The following MATCAP2 variants were observed in gnomAD, a reference collection of about 807,000 sequenced individuals.
MATCAP2 encodes microtubule associated tyrosine carboxypeptidase 2.
chr7:36,344,831 C>T, the MATCAP2 span, among the ~76,000 whole-genome samples: 1 of 152,188 alleles, frequency 6.6e-6, no homozygotes, highest in South Asian at 2.1e-4. Context: ...CCCTAAAAAT[C>T]CAGCCCAGAT....
the MATCAP2 span, among the ~76,000 whole-genome samples, chr7:36,369,633 T>A: frequency 6.6e-6 from 1 of 152,240 alleles, no homozygotes; most frequent in Non-Finnish European, 1.5e-5. Context: ...ATACATATTA[T>A]CTTCCTCATT....
At chr7:36,365,670 C>G in the MATCAP2 span, among the ~76,000 whole-genome samples, 1 of 152,128 alleles carries the variant, frequency 6.6e-6, no homozygotes, top group Admixed American at 6.5e-5. Flanking sequence ...CTGCACTCCA[C>G]CCTGGGCGAC....
At chr7:36,378,171 A>T in the MATCAP2 span, among the ~76,000 whole-genome samples, 1 of 152,192 alleles carries the variant, frequency 6.6e-6, no homozygotes, top group African/African-American at 2.4e-5. Context: ...GATCCTTTAG[A>T]GAAGAGGTGC....
the MATCAP2 span, among the ~76,000 whole-genome samples, chr7:36,382,676 G>A: frequency 6.6e-6 from 1 of 152,066 alleles, no homozygotes; most frequent in African/African-American, 2.4e-5. Context: ...TGTACTTTTA[G>A]TAGAGACAGG....
chr7:36,351,227 C>CT, the MATCAP2 span, among the ~76,000 whole-genome samples: 44,561 of 151,680 alleles, frequency 0.29, 7,230 homozygotes, highest in South Asian at 0.5. Flanking sequence ...GAAACCCTGT[C>CT]TTTACTAAAA....
At chr7:36,341,051 C>T in the MATCAP2 span, among the ~76,000 whole-genome samples, 5 of 152,066 alleles carry the variant, frequency 3.3e-5, no homozygotes, top group Non-Finnish European at 7.4e-5. Flanking sequence ...TTTTAAAATT[C>T]CTCACAATAT....
chr7:36,334,417 C>A, the MATCAP2 span, among the ~76,000 whole-genome samples: 62,187 of 150,992 alleles, frequency 0.41, 13,201 homozygotes, highest in African/African-American at 0.49. Context: ...CACCTGGGGT[C>A]CCAGCTACTC....
the MATCAP2 span, chr7:36,336,072 AAAAAT>A: frequency 9.8e-6 from 11 of 1,124,162 alleles, no homozygotes; most frequent in South Asian, 7.7e-5. Flanking sequence ...CTCCATTTCA[AAAAAT>A]AAAATAAATA....
chr7:36,367,417 T>C, the MATCAP2 span: 3 of 687,594 alleles, frequency 4.4e-6, no homozygotes, highest in Non-Finnish European at 4.8e-6. Flanking sequence ...CGCTGGGGTC[T>C]CCAGCCAGTG....
chr7:36,336,430 A>G, the MATCAP2 span: 1 of 739,600 alleles, frequency 1.4e-6, no homozygotes. Flanking sequence ...TGAAGTGCCA[A>G]ACTTTTCTAA....
At chr7:36,335,187 C>A in the MATCAP2 span, 1 of 1,612,732 alleles carries the variant, frequency 6.2e-7, no homozygotes, top group Admixed American at 1.7e-5. Context: ...ATCTAAGGGG[C>A]AAGAGAAAAA....
the MATCAP2 span, among the ~76,000 whole-genome samples, chr7:36,364,596 A>G: frequency 6.6e-6 from 1 of 152,216 alleles, no homozygotes; most frequent in African/African-American, 2.4e-5. Context: ...TAGAGCTGAA[A>G]AAAAAATGAA....
the MATCAP2 span, among the ~76,000 whole-genome samples, chr7:36,367,525 A>G: frequency 1.3e-5 from 2 of 152,162 alleles, no homozygotes; most frequent in Admixed American, 1.3e-4. Flanking sequence ...AGCTGCAAAT[A>G]GCAAAGCCAG....
chr7:36,350,036 A>C, the MATCAP2 span, among the ~76,000 whole-genome samples: 1 of 152,244 alleles, frequency 6.6e-6, no homozygotes, highest in East Asian at 1.9e-4. Context: ...GCTAAACAGA[A>C]TATCATGTCA....
chr7:36,389,254 G>A, the MATCAP2 span, among the ~76,000 whole-genome samples: 3 of 152,114 alleles, frequency 2.0e-5, no homozygotes, highest in South Asian at 4.1e-4. Flanking sequence ...GTAGAGACGG[G>A]GTTTCACCAT....
At chr7:36,339,863 G>A in the MATCAP2 span, among the ~76,000 whole-genome samples, 3 of 152,014 alleles carry the variant, frequency 2.0e-5, no homozygotes, top group South Asian at 4.1e-4. Context: ...TTCTTGAAAC[G>A]GAGTCTCACT....
the MATCAP2 span, among the ~76,000 whole-genome samples, chr7:36,347,443 T>C: frequency 8.6e-5 from 13 of 151,930 alleles, no homozygotes; most frequent in South Asian, 6.2e-4. Flanking sequence ...TGATAGGGGG[T>C]AGGATAATGC....
chr7:36,334,535 CAAAAAAAAAAA>C, the MATCAP2 span, among the ~76,000 whole-genome samples: 506 of 49,542 alleles, frequency 0.01, 6 homozygotes, highest in African/African-American at 0.043. Context: ...GATCCCATCT[CAAAAAAAAAAA>C]AAAAAAAAAA....
chr7:36,379,847 C>CAGAGAGAGAGAGAG, the MATCAP2 span, among the ~76,000 whole-genome samples: 15 of 107,690 alleles, frequency 1.4e-4, no homozygotes, highest in East Asian at 2.7e-3. Flanking sequence ...CACACACACA[C>CAGAGAGAGAGAGAG]AGAGAGAGAG....
Sources: gnomAD v4.1 joint callset for allele counts (sites outside exome capture counted in the v4.1 genomes callset) on GRCh38, gnomAD v4.1.1 for gene constraint, MANE v1.5 for transcripts, NCBI Gene and HGNC (gene_info 2026-07-23, HGNC 2026-07-21) for gene names.